The following HMGB1 variants were observed in gnomAD, a reference collection of about 807,000 sequenced individuals.
The protein encoded by HMGB1 is high mobility group box 1, also known as high mobility group protein B1.
For synonymous variants in HMGB1, 81 were observed against 84.0 expected (o/e 0.96, Z 0.19); for missense variants, 79 against 253.5 (o/e 0.31, Z 4.67).
intron 1 of HMGB1, among the ~76,000 whole-genome samples, chr13:30,532,600 C>T (rs1479179055): frequency 6.6e-6 from 1 of 152,052 alleles, no homozygotes; most frequent in African/African-American, 2.4e-5. Flanking sequence ...CCTCTGCCTG[C>T]CAGATTCAAG....
chr13:30,462,355 T>C, intron 4 of HMGB1, 183 bp downstream of exon 4: 1 of 692,986 alleles, frequency 1.4e-6, no homozygotes, highest in Non-Finnish European at 2.7e-6. Context: ...TGAGTCTGAT[T>C]ACATTTTAGT....
chr13:30,525,944 G>A (rs967877257), intron 1 of HMGB1, among the ~76,000 whole-genome samples: 5 of 152,184 alleles, frequency 3.3e-5, no homozygotes, highest in Admixed American at 6.5e-5. Context: ...CGATCTGTCC[G>A]CTTTGGCCTC....
chr13:30,538,510 C>CTTTCTTTCTTTCTTTCCTTT (rs1164550479), intron 1 of HMGB1, among the ~76,000 whole-genome samples: 2 of 82,230 alleles, frequency 2.4e-5, no homozygotes, highest in African/African-American at 1.7e-4. Context: ...TTCTTTCTTT[C>CTTTCTTTCTTTCTTTCCTTT]CTTTCTTTCT....
chr13:30,477,845 C>T (rs976941442), intron 1 of HMGB1, among the ~76,000 whole-genome samples: 1 of 152,080 alleles, frequency 6.6e-6, no homozygotes, highest in African/African-American at 2.4e-5. Context: ...GTTACCAGGC[C>T]TCTTTGTTTA....
intron 1 of HMGB1, among the ~76,000 whole-genome samples, chr13:30,589,166 C>T (rs377657814): frequency 6.6e-6 from 1 of 151,822 alleles, no homozygotes; most frequent in Admixed American, 6.6e-5. Context: ...CCATCATGCT[C>T]AGCTAATTTT....
chr13:30,497,289 C>T (rs974551177), intron 1 of HMGB1, among the ~76,000 whole-genome samples: 2 of 152,022 alleles, frequency 1.3e-5, no homozygotes, highest in East Asian at 3.9e-4. Context: ...TACAGTGGTG[C>T]GATCTCGGCT....
chr13:30,549,206 CCAGGAGGT>C (rs1252233520), intron 1 of HMGB1, among the ~76,000 whole-genome samples: 1 of 151,954 alleles, frequency 6.6e-6, no homozygotes, highest in Non-Finnish European at 1.5e-5. Flanking sequence ...TCGCTTGGGT[CCAGGAGGT>C]CAAGGGTGCA....
intron 1 of HMGB1, among the ~76,000 whole-genome samples, chr13:30,496,171 A>G (rs1327209610): frequency 6.6e-6 from 1 of 152,234 alleles, no homozygotes; most frequent in African/African-American, 2.4e-5. Context: ...GCCCAAAGGA[A>G]GGAAAAGGAA....
chr13:30,612,242 CACAT>C (rs1201022003), intron 1 of HMGB1, among the ~76,000 whole-genome samples: 17 of 152,088 alleles, frequency 1.1e-4, no homozygotes, highest in Non-Finnish European at 2.2e-4. Context: ...TATATACACA[CACAT>C]ACATATGCTA....
At chr13:30,537,344 G>T (rs944193695) in intron 1 of HMGB1, among the ~76,000 whole-genome samples, 1 of 151,870 alleles carries the variant, frequency 6.6e-6, no homozygotes, top group African/African-American at 2.4e-5. Context: ...TGTTTTTACT[G>T]AAGTATAACA....
intron 1 of HMGB1, among the ~76,000 whole-genome samples, chr13:30,491,906 C>T (rs968384776): frequency 3.9e-5 from 6 of 152,174 alleles, no homozygotes; most frequent in African/African-American, 7.2e-5. Context: ...CGGTGGCTTA[C>T]GCCTGTAATC....
Position 30,532,374 on chromosome 13 carries a change from TG to T in HMGB1, c.-14-68681del, listed in dbSNP as rs1888515859. On this transcript the variant is annotated intron_variant, in intron 1 of 4. Coordinates refer to the HMGB1 transcript ENST00000405805. The stretch of plus-strand genomic sequence containing the variant: ...AAAATGGGGTCAGGATTTTGCAACT[TG>T]TTTTTTTTCCACTAAGCAGTGACGC... 2.0e-5 allele frequency among the ~76,000 whole-genome samples: 3 copies of T among 151,716 alleles called. No homozygotes were observed. In the South Asian group the frequency reaches 6.2e-4, roughly 32 times the overall value.
At chr13:30,498,626 A>AATT (rs71192659) in intron 1 of HMGB1, among the ~76,000 whole-genome samples, 18,765 of 143,832 alleles carry the variant, frequency 0.13, 1,451 homozygotes, top group African/African-American at 0.21. Context: ...GGAATCAGCA[A>AATT]ATTATTATTA....
At chr13:30,486,047 A>T (rs1887356617) in intron 1 of HMGB1, among the ~76,000 whole-genome samples, 1 of 152,158 alleles carries the variant, frequency 6.6e-6, no homozygotes, top group Admixed American at 6.5e-5. Context: ...ACTATGACTG[A>T]TGATAGAGGC....
At chr13:30,469,726 G>T (rs1448275612), upstream of HMGB1, among the ~76,000 whole-genome samples, 2 of 152,066 alleles carry the variant, frequency 1.3e-5, no homozygotes, top group African/African-American at 4.8e-5. Flanking sequence ...TGCGTCCTTG[G>T]TTTAAGTGAT....
chr13:30,511,436 G>A (rs552072580), intron 1 of HMGB1, among the ~76,000 whole-genome samples: 1 of 152,218 alleles, frequency 6.6e-6, no homozygotes, highest in South Asian at 2.1e-4. Context: ...GCCATGTGAC[G>A]TGCCTGCTCC....
At chr13:30,461,621 T>C in intron 4 of HMGB1, 88 bp from the exon 5 acceptor site, 1 of 1,580,570 alleles carries the variant, frequency 6.3e-7, no homozygotes, top group Non-Finnish European at 8.6e-7. Flanking sequence ...ATGAAAGAAA[T>C]CAAGATTCTA....
chr13:30,494,051 T>C (rs1173343913), intron 1 of HMGB1, among the ~76,000 whole-genome samples: 1 of 152,184 alleles, frequency 6.6e-6, no homozygotes, highest in Admixed American at 6.5e-5. Context: ...GTGCAATTTA[T>C]TGTATACAAC....
intron 1 of HMGB1, among the ~76,000 whole-genome samples, chr13:30,582,421 G>A (rs1351904075): frequency 3.3e-5 from 5 of 152,038 alleles, no homozygotes; most frequent in East Asian, 1.9e-4. Flanking sequence ...GGCAGATCAC[G>A]AGGTCAGGAG....
Sources: allele counts gnomAD v4.1 joint callset (sites outside exome capture counted in the v4.1 genomes callset), GRCh38; gene constraint gnomAD v4.1.1; transcripts MANE v1.5; gene names NCBI Gene and HGNC (gene_info 2026-07-23, HGNC 2026-07-21).